Variants in PDE1A observed in about 807,000 individuals in gnomAD.
PDE1A encodes the protein phosphodiesterase 1A.
PDE1A carries 35 observed loss-of-function variants against 61.7 expected under a neutral mutation model. The ratio of observed to expected loss-of-function variants is 0.57; its 90% CI spans 0.43 to 0.75. The LOEUF is 0.75. Ranked by LOEUF, PDE1A falls within the 30% of genes least tolerant of loss-of-function variation. PDE1A has a pLI of 0.00. For missense variants in PDE1A, 597 were observed against 630.6 expected, an observed-to-expected ratio of 0.95 and a Z score of 0.57; for synonymous variants, 232 against 213.2, an observed-to-expected ratio of 1.09 and a Z score of -0.77.
chr2:182,385,782 C>G, intron 1 of PDE1A, among the ~76,000 whole-genome samples: 1 of 44,162 alleles, frequency 2.3e-5, no homozygotes, highest in African/African-American at 1.1e-4. Context: ...TCTCCCTCCT[C>G]TCCCTCTCCC....
intron 2 of PDE1A, among the ~76,000 whole-genome samples, chr2:182,507,142 T>G (rs1689464424): frequency 6.6e-6 from 1 of 152,170 alleles, no homozygotes; most frequent in Non-Finnish European, 1.5e-5. Flanking sequence ...TAATTGGCTA[T>G]TAGTTCAAAG....
chr2:182,643,088 C>T, the PDE1A span, among the ~76,000 whole-genome samples: 190 of 152,302 alleles, frequency 1.2e-3, 3 homozygotes, highest in East Asian at 0.018. Context: ...CCAGGTGAGG[C>T]AGCCTTAACC....
At chr2:182,581,012 T>C in the PDE1A span, among the ~76,000 whole-genome samples, 1 of 152,186 alleles carries the variant, frequency 6.6e-6, no homozygotes, top group South Asian at 2.1e-4. Context: ...GCTTTCAGTA[T>C]TGCTGACAAT....
At chr2:182,671,837 T>C in the PDE1A span, among the ~76,000 whole-genome samples, 1 of 151,674 alleles carries the variant, frequency 6.6e-6, no homozygotes, top group East Asian at 2.0e-4. Context: ...GCCAGGATGG[T>C]CTCGACCTCC....
chr2:182,198,980 A>G (rs1031772608), intron 10 of PDE1A, among the ~76,000 whole-genome samples: 6 of 152,010 alleles, frequency 3.9e-5, no homozygotes, highest in Non-Finnish European at 8.8e-5. Context: ...CTAAGCCTAG[A>G]GTTTTCTTCA....
At chr2:182,323,353 C>T (rs833182) in intron 1 of PDE1A, among the ~76,000 whole-genome samples, 41,187 of 152,002 alleles carry the variant, frequency 0.27, 5,699 homozygotes, top group Middle Eastern at 0.37. Context: ...AAGAGATTAG[C>T]TATTTCTATC....
At chr2:182,409,646 C>T (rs1294994689) in intron 1 of PDE1A, among the ~76,000 whole-genome samples, 1 of 152,172 alleles carries the variant, frequency 6.6e-6, no homozygotes, top group Non-Finnish European at 1.5e-5. Flanking sequence ...TGTTTGCTTA[C>T]TCTTCCATTC....
At position 182,223,979 on chromosome 2, in the gene PDE1A, A is replaced by G; in HGVS notation, c.676-15T>C. The G allele has an allele frequency of 6.4e-7, 1 of 1,556,236 alleles. No individual in the cohort carries two copies. The highest frequency in any genetic ancestry group is 8.8e-7 in the Non-Finnish European group (1 of 1,131,924). On this transcript the variant is annotated splice_polypyrimidine_tract_variant and intron_variant, in intron 6 of 13. Transcript: ENST00000351439. Reference sequence around the variant, plus strand: ...GTGAGCCAGTGCTAGTAAATTACAGAAAGAATCCATTATATTCAAGAAGTA... The same window carrying G: ...GTGAGCCAGTGCTAGTAAATTACAGGAAGAATCCATTATATTCAAGAAGTA...
intron 1 of PDE1A, among the ~76,000 whole-genome samples, chr2:182,334,402 C>A (rs1329881490): frequency 2.0e-5 from 3 of 152,098 alleles, no homozygotes; most frequent in African/African-American, 7.2e-5. Flanking sequence ...CTGAATCCAG[C>A]AGCACATCAA....
chr2:182,164,992 G>A (rs541660460), downstream of PDE1A, among the ~76,000 whole-genome samples: 1 of 151,854 alleles, frequency 6.6e-6, no homozygotes, highest in African/African-American at 2.4e-5. Context: ...CATGCTCATA[G>A]AATTCACTGG....
At chr2:182,464,827 G>C (rs940081311) in intron 2 of PDE1A, among the ~76,000 whole-genome samples, 1 of 151,944 alleles carries the variant, frequency 6.6e-6, no homozygotes, top group Admixed American at 6.6e-5. Flanking sequence ...GTCAGACCAG[G>C]GTGCTGAGAC....
chr2:182,172,636 C>T (rs757841419), intron 13 of PDE1A, among the ~76,000 whole-genome samples: 43 of 151,916 alleles, frequency 2.8e-4, no homozygotes, highest in Non-Finnish European at 5.2e-4. Context: ...ATTTTGAGAA[C>T]GCAAGGTAGA....
chr2:182,334,756 GT>G (rs1697671333), intron 1 of PDE1A, among the ~76,000 whole-genome samples: 1 of 152,170 alleles, frequency 6.6e-6, no homozygotes, highest in Non-Finnish European at 1.5e-5. Flanking sequence ...ATTCAACATA[GT>G]TTTGGAAGTT....
intron 2 of PDE1A, among the ~76,000 whole-genome samples, chr2:182,507,049 T>C (rs940061129): frequency 4.6e-5 from 7 of 152,148 alleles, no homozygotes; most frequent in Admixed American, 1.3e-4. Context: ...CTGGTGAAAA[T>C]AATATGTAGA....
rs575464350 is a variant in PDE1A at position 182,467,214 on chromosome 2, G to A, written c.101+55062C>T. On this transcript the variant is annotated intron_variant, in intron 2 of 14. Coordinates refer to the PDE1A transcript ENST00000410103. ...AAAATTACCAATATCAGGAATGAAA[G>A]AGACCACCTCACTACAGATTTTATG... 3.3e-5 allele frequency among the ~76,000 whole-genome samples: 5 copies of A among 151,892 alleles called. No individual in the cohort carries two copies. The South Asian group carries it at 1.0e-3, about 32-fold the overall frequency.
chr2:182,385,912 C>G (rs1388701230), intron 1 of PDE1A, among the ~76,000 whole-genome samples: 1 of 151,922 alleles, frequency 6.6e-6, no homozygotes, highest in Non-Finnish European at 1.5e-5. Flanking sequence ...GATGCCCGGC[C>G]GAAGCTGGAC....
chr2:182,702,556 T>C, the PDE1A span, among the ~76,000 whole-genome samples: 25 of 152,312 alleles, frequency 1.6e-4, no homozygotes, highest in Non-Finnish European at 2.5e-4. Context: ...GTGATGCACT[T>C]CATAAAATAT....
intron 2 of PDE1A, among the ~76,000 whole-genome samples, chr2:182,434,622 C>T (rs1481432945): frequency 6.6e-6 from 1 of 151,968 alleles, no homozygotes; most frequent in African/African-American, 2.4e-5. Context: ...AAAGTCCCCA[C>T]CTCTACTACC....
chr2:182,399,174 A>G (rs1196900333), intron 1 of PDE1A, among the ~76,000 whole-genome samples: 1 of 151,828 alleles, frequency 6.6e-6, no homozygotes, highest in Non-Finnish European at 1.5e-5. Context: ...TTTATTACTC[A>G]TTTCTTAGTA....
Sources: gnomAD v4.1 joint callset for allele counts (sites outside exome capture counted in the v4.1 genomes callset) on GRCh38, gnomAD v4.1.1 for gene constraint, MANE v1.5 for transcripts, NCBI Gene and HGNC (gene_info 2026-07-23, HGNC 2026-07-21) for gene names.